Variants in CDH18 observed in about 807,000 individuals in gnomAD.
CDH18 encodes the protein cadherin 18, also known as cadherin-18.
In CDH18, 31 loss-of-function variants were observed where a neutral mutation model predicts 67.9. The ratio of observed to expected loss-of-function variants is 0.46; its 90% CI spans 0.34 to 0.62. The LOEUF (loss-of-function observed/expected upper bound fraction) is 0.62. Among genes scored for constraint, CDH18 ranks in the 20% least tolerant of loss-of-function variants. The pLI is 0.01. For synonymous variants in CDH18, 362 were observed against 347.2 expected, an observed-to-expected ratio of 1.04 and a Z score of -0.48; for missense variants, 890 against 975.5, an observed-to-expected ratio of 0.91 and a Z score of 1.17.
intron 2 of CDH18, among the ~76,000 whole-genome samples, chr5:20,200,865 A>C (rs1027774723): frequency 4.6e-5 from 7 of 152,166 alleles, no homozygotes; most frequent in Non-Finnish European, 8.8e-5. Context: ...GTAGTTTTAC[A>C]AATTGAAAAA....
intron 2 of CDH18, among the ~76,000 whole-genome samples, chr5:20,150,627 A>G (rs1418370101): frequency 6.6e-6 from 1 of 151,944 alleles, no homozygotes; most frequent in East Asian, 1.9e-4. Context: ...TCTTTTTTCT[A>G]TATTTTTTAA....
At chr5:20,432,710 C>G (rs1354119991) in intron 1 of CDH18, among the ~76,000 whole-genome samples, 1 of 151,756 alleles carries the variant, frequency 6.6e-6, no homozygotes, top group Non-Finnish European at 1.5e-5. Context: ...TAAAGAACAC[C>G]AGTCATATTG....
chr5:19,746,987 T>C lies in CDH18; in HGVS notation c.478A>G (p.Thr160Ala). The C allele has an allele frequency of 6.2e-7, 1 of 1,614,156 alleles. No individual in the cohort carries two copies. Among genetic ancestry groups the C allele is most frequent in the Non-Finnish European group, 8.5e-7 (1 of 1,180,028 alleles). Reference sequence around the variant, plus strand: ...ACAGTAACAATGTATGGTCCATCTGTGAATTTTGGAGCGTTGTCATTGATG... The same window carrying C: ...ACAGTAACAATGTATGGTCCATCTGCGAATTTTGGAGCGTTGTCATTGATG... ...QDINDNAPKF[T>A]DGPYIVTVPE... Residue 160 changes from threonine (T) to alanine (A), a missense_variant, in exon 4 of 13, where the codon ACA (threonine) becomes GCA (alanine). Physicochemically the swap from Thr to Ala is moderately conservative, Grantham distance 58. Around this residue, in one of 2 missense-constraint regions of CDH18, gnomAD observed 234 missense variants for 307.4 expected, o/e 0.76. Transcript: ENST00000382275.
At chr5:19,881,127 T>C (rs1169825002) in intron 2 of CDH18, among the ~76,000 whole-genome samples, 1 of 152,136 alleles carries the variant, frequency 6.6e-6, no homozygotes, top group Non-Finnish European at 1.5e-5. Flanking sequence ...TGAAGGGATA[T>C]GTATGAAGGC....
chr5:19,612,288 G>T, intron 6 of CDH18, 146 bp downstream of exon 6: 1 of 696,302 alleles, frequency 1.4e-6, no homozygotes, highest in Non-Finnish European at 2.4e-6. Flanking sequence ...GATTTCATGA[G>T]TCTTACATGA....
intron 1 of CDH18, among the ~76,000 whole-genome samples, chr5:20,544,060 G>A (rs1014119926): frequency 1.3e-5 from 2 of 152,108 alleles, no homozygotes; most frequent in Non-Finnish European, 2.9e-5. Flanking sequence ...GATTCTGAAT[G>A]ATCAAGATTA....
At chr5:20,017,403 AT>A (rs534269137) in intron 2 of CDH18, among the ~76,000 whole-genome samples, 139 of 152,296 alleles carry the variant, frequency 9.1e-4, no homozygotes, top group African/African-American at 3.3e-3. Context: ...CATTGAGGAA[AT>A]AAACTGTCTA....
At chr5:20,475,186 A>T (rs931073276) in intron 1 of CDH18, among the ~76,000 whole-genome samples, 3 of 152,194 alleles carry the variant, frequency 2.0e-5, no homozygotes, top group Non-Finnish European at 4.4e-5. Flanking sequence ...AAGATAATAA[A>T]AATGTGTCTC....
chr5:20,251,365 C>T (rs1454330930), intron 2 of CDH18, among the ~76,000 whole-genome samples: 3 of 151,906 alleles, frequency 2.0e-5, no homozygotes, highest in African/African-American at 7.3e-5. Context: ...ATGCTCACAC[C>T]GATAGATAAA....
At chr5:19,980,570 C>T (rs767578094) in intron 2 of CDH18, among the ~76,000 whole-genome samples, 2 of 152,060 alleles carry the variant, frequency 1.3e-5, no homozygotes, top group African/African-American at 2.4e-5. Context: ...AGTCACTCAC[C>T]GGAGCTTCCT....
intron 5 of CDH18, among the ~76,000 whole-genome samples, chr5:19,665,227 A>G (rs1376591185): frequency 1.3e-5 from 2 of 152,034 alleles, no homozygotes; most frequent in African/African-American, 4.8e-5. Context: ...TAAATGAAAG[A>G]TTTATTAGAC....
intron 5 of CDH18, among the ~76,000 whole-genome samples, chr5:19,674,643 G>C (rs568296119): frequency 6.6e-6 from 1 of 152,194 alleles, no homozygotes; most frequent in South Asian, 2.1e-4. Context: ...CTATTAATAT[G>C]CATTAAATAT....
chr5:19,515,734 C>G (rs1338208799), intron 10 of CDH18, among the ~76,000 whole-genome samples: 1 of 152,124 alleles, frequency 6.6e-6, no homozygotes, highest in African/African-American at 2.4e-5. Flanking sequence ...TTCTTATCAG[C>G]TTAAGAAGAT....
At chr5:20,092,888 T>A (rs534672104) in intron 2 of CDH18, among the ~76,000 whole-genome samples, 3 of 152,310 alleles carry the variant, frequency 2.0e-5, no homozygotes, top group Admixed American at 2.0e-4. Context: ...ATAATGTAAA[T>A]CTGACTGAGA....
At chr5:20,316,126 A>G (rs868651243) in intron 1 of CDH18, among the ~76,000 whole-genome samples, 2 of 152,168 alleles carry the variant, frequency 1.3e-5, no homozygotes, top group African/African-American at 2.4e-5. Context: ...TTTGTTTTCA[A>G]TAAGATGAGA....
intron 2 of CDH18, among the ~76,000 whole-genome samples, chr5:20,011,194 A>T (rs1241760043): frequency 6.6e-6 from 1 of 152,088 alleles, no homozygotes; most frequent in Non-Finnish European, 1.5e-5. Flanking sequence ...CTGTATTCCT[A>T]GGTATATTAT....
chr5:19,930,038 GA>G (rs1181853850), intron 2 of CDH18, among the ~76,000 whole-genome samples: 4 of 152,032 alleles, frequency 2.6e-5, no homozygotes, highest in Non-Finnish European at 4.4e-5. Flanking sequence ...AACACCCATT[GA>G]TAAAAGGTTT....
At chr5:19,656,616 A>T (rs2150293950) in intron 5 of CDH18, among the ~76,000 whole-genome samples, 1 of 152,264 alleles carries the variant, frequency 6.6e-6, no homozygotes, top group South Asian at 2.1e-4. Flanking sequence ...GGGAGTGACC[A>T]AAAGTTGCAC....
At chr5:20,082,483 C>T (rs181594250) in intron 2 of CDH18, among the ~76,000 whole-genome samples, 110 of 152,274 alleles carry the variant, frequency 7.2e-4, no homozygotes, top group Non-Finnish European at 9.3e-4. Context: ...GTCTATGTAA[C>T]TATTTTTTGC....
Sources: gnomAD v4.1 joint callset for allele counts (sites outside exome capture counted in the v4.1 genomes callset) on GRCh38, gnomAD v4.1.1 for gene constraint, gnomAD v4.1.1 regional missense constraint, MANE v1.5 for transcripts, NCBI Gene and HGNC (gene_info 2026-07-23, HGNC 2026-07-21) for gene names.